Variants in NLRP1 observed in about 807,000 individuals in gnomAD.
NLRP1 encodes NACHT, LRR and PYD domains-containing protein 1.
NLRP1 carries 94 observed loss-of-function variants against 136.7 expected under a neutral mutation model. The ratio of observed to expected loss-of-function variants is 0.69; its 90% CI spans 0.58 to 0.82. The LOEUF (loss-of-function observed/expected upper bound fraction) is 0.82, where lower values mean the gene tolerates loss of function less well. Among genes scored for constraint, NLRP1 ranks in the 40% least tolerant of loss-of-function variants. The probability of loss-of-function intolerance (pLI) is 0.00; values close to 1 mark genes in which losing one functional copy is unlikely to be tolerated. For missense variants in NLRP1, 1,575 were observed against 1,802.7 expected, an observed-to-expected ratio of 0.87 and a Z score of 2.29; for synonymous variants, 690 against 725.1, an observed-to-expected ratio of 0.95 and a Z score of 0.78.
chr17:5,558,405 A>G lies in NLRP1; in HGVS notation c.2291T>C (p.Val764Ala). The G allele has an allele frequency of 1.2e-6, 2 of 1,614,126 alleles. No homozygotes were observed. Among genetic ancestry groups the G allele is most frequent in the Non-Finnish European group, 1.7e-6 (2 of 1,180,016 alleles). ...CTFCIKFSRHVKKLQLIEGRQ... is the reference protein window; with the variant it reads ...CTFCIKFSRHAKKLQLIEGRQ... ...GCCCTCAATCAGCTGAAGCTTCTTC[A>G]CGTGGCGGCTGAATTTAATGCAGAA... is the stretch of plus-strand genomic sequence containing the variant. The change falls in exon 4 of 17, where the codon GTG (valine) becomes GCG (alanine). Residue 764 changes from valine (V) to alanine (A), a missense_variant. Physicochemically the swap from Val to Ala is moderately conservative, Grantham distance 64. Coordinates refer to ENST00000572272, the MANE Select transcript of NLRP1 (RefSeq NM_033004.4).
chr17:5,539,367 C>G, intron 7 of NLRP1, 48 bp downstream of exon 7: 2 of 1,535,282 alleles, frequency 1.3e-6, no homozygotes, highest in East Asian at 2.3e-5. Context: ...TGTCCGATAC[C>G]CCCCCAACCC....
intron 14 of NLRP1, 31 bp downstream of exon 14, chr17:5,520,850 G>T: frequency 1.3e-6 from 2 of 1,518,490 alleles, no homozygotes; most frequent in Non-Finnish European, 1.8e-6. Context: ...ACTTCTGTTC[G>T]CAGTGAAGAG....
chr17:5,544,061 T>C (rs1028005528), intron 5 of NLRP1, among the ~76,000 whole-genome samples: 2 of 152,204 alleles, frequency 1.3e-5, no homozygotes, highest in African/African-American at 4.8e-5. Flanking sequence ...AGGTGAAGTC[T>C]GATGGGACCA....
rs185932225 is a variant in NLRP1 at position 5,564,306 on chromosome 17, T to A, written c.653-4263A>T. Among the ~76,000 whole-genome samples the A allele has an allele frequency of 3.4e-3, 512 of 152,296 alleles. 3 individuals carry two copies. Among genetic ancestry groups the A allele is most frequent in the Non-Finnish European group, 5.7e-3 (390 of 68,026 alleles). Reference sequence around the variant, plus strand: ...CAGTGGGTCTTATTCATTCTTTCTATTTTTTTGTACCCACTAACTATCCCC... The same window carrying A: ...CAGTGGGTCTTATTCATTCTTTCTAATTTTTTGTACCCACTAACTATCCCC... On this transcript the variant is annotated intron_variant, in intron 3 of 16. Transcript: ENST00000572272.
At chr17:5,580,390 A>C (rs2151829127) in intron 3 of NLRP1, among the ~76,000 whole-genome samples, 1 of 152,190 alleles carries the variant, frequency 6.6e-6, no homozygotes, top group African/African-American at 2.4e-5. Context: ...TATATAACAA[A>C]CCTGCACATG....
At chr17:5,508,367 C>G (rs1907463234) in intron 15 of NLRP1, among the ~76,000 whole-genome samples, 2 of 152,144 alleles carry the variant, frequency 1.3e-5, no homozygotes, top group South Asian at 4.1e-4. Context: ...CCTAGGCTGG[C>G]CTTGAACTCC....
chr17:5,515,892 G>GT (rs112285421), intron 15 of NLRP1, among the ~76,000 whole-genome samples: 8,804 of 152,082 alleles, frequency 0.058, 348 homozygotes, highest in South Asian at 0.19. Flanking sequence ...GCACCTCCTT[G>GT]TCTGAGCAGA....
Position 5,583,581 on chromosome 17 carries a change from G to T in NLRP1, c.271+106C>A. The T allele has an allele frequency of 8.3e-7, 1 of 1,198,488 alleles. No homozygotes were observed. The allele number at this position is 1,198,488 out of a possible 1,614,324, so 74.2% of individuals were successfully genotyped here. A position where few individuals can be genotyped will look rare whatever the true frequency, so the allele number is the denominator to read the frequency against. The stretch of plus-strand genomic sequence containing the variant: ...GAGGGCAGTTCCATGTCACTGCTCA[G>T]AGGAAGGCCTGGCAGGGAGGGCTCA... On this transcript the variant is annotated intron_variant, in intron 1 of 16. Coordinates refer to ENST00000572272, the MANE Select transcript of NLRP1 (RefSeq NM_033004.4). This position sits in a 1 kb window ranked among gnomAD's most constrained non-coding sequence, Gnocchi z 4.5.
intron 12 of NLRP1, among the ~76,000 whole-genome samples, chr17:5,526,463 G>A (rs1408708912): frequency 6.6e-6 from 1 of 152,158 alleles, no homozygotes; most frequent in African/African-American, 2.4e-5. Context: ...GAGTGGGAAT[G>A]GGGCGAGACC....
intron 10 of NLRP1, 148 bp downstream of exon 10, chr17:5,533,156 C>T: frequency 2.1e-6 from 3 of 1,455,106 alleles, no homozygotes; most frequent in Non-Finnish European, 2.7e-6. Flanking sequence ...GTCTGGGGAG[C>T]CCCACTCCAG....
chr17:5,575,183 A>G (rs905975284), intron 3 of NLRP1, among the ~76,000 whole-genome samples: 2 of 152,260 alleles, frequency 1.3e-5, no homozygotes, highest in Non-Finnish European at 2.9e-5. Flanking sequence ...CAAACTGTAA[A>G]GACCACCAAT....
chr17:5,530,747 A>G (rs1390621871), intron 11 of NLRP1, 43 bp from the exon 12 acceptor site: 1 of 1,492,402 alleles, frequency 6.7e-7, no homozygotes, highest in Admixed American at 1.7e-5. Flanking sequence ...GCACGAACTC[A>G]CTGAGCACCT....
chr17:5,574,442 A>G (rs1904791478), intron 3 of NLRP1, among the ~76,000 whole-genome samples: 1 of 152,176 alleles, frequency 6.6e-6, no homozygotes, highest in South Asian at 2.1e-4. Flanking sequence ...ATTCAAATTC[A>G]GGAGCTACAG....
At chr17:5,557,545 C>T (rs935338200) in intron 4 of NLRP1, among the ~76,000 whole-genome samples, 4 of 152,144 alleles carry the variant, frequency 2.6e-5, no homozygotes, top group Admixed American at 6.5e-5. Context: ...TTTTGAGCTC[C>T]TTAAGGCACG....
In NLRP1 at chr17:5,529,454, A is replaced by G. The variant is rs1254286222; in HGVS notation, c.3520+1027T>C. Among the ~76,000 whole-genome samples, 3 of 147,344 alleles carry G rather than the reference A, an allele frequency of 2.0e-5. No homozygotes were observed. The East Asian group carries it at 5.9e-4, about 29-fold the overall frequency. On this transcript the variant is annotated intron_variant, in intron 12 of 16. Coordinates refer to ENST00000572272, the MANE Select transcript of NLRP1 (RefSeq NM_033004.4). ...GCGATCTTGGCTCACTGCAAGCTCCACCTCCTGGGTTCACGCCATTCTCCT... is the reference window on the plus strand; with the variant it reads ...GCGATCTTGGCTCACTGCAAGCTCCGCCTCCTGGGTTCACGCCATTCTCCT...
rs778288643 is a variant in NLRP1, at chr17:5,534,031, G to C, written c.2961-43C>G. 1.0e-5 allele frequency: 14 copies of C among 1,360,996 alleles called. No individual in the cohort carries two copies. The South Asian group carries it at 1.6e-4, about 16-fold the overall frequency. The allele number at this position is 1,360,996 out of a possible 1,614,324, so 84.3% of individuals were successfully genotyped here. On this transcript the variant is annotated intron_variant, in intron 8 of 16. Transcript: ENST00000572272. ...CATTCTGCCTAAGATCTTGGAGGAA[G>C]CGAGGGCTGTCCACATGACATTCCC...
intron 3 of NLRP1, among the ~76,000 whole-genome samples, chr17:5,562,030 T>C (rs1914813027): frequency 6.6e-6 from 1 of 152,102 alleles, no homozygotes; most frequent in African/African-American, 2.4e-5. Context: ...CCTAATTCTG[T>C]CTGAATCCGG....
At chr17:5,526,121 C>T (rs539633047) in intron 12 of NLRP1, among the ~76,000 whole-genome samples, 11 of 152,116 alleles carry the variant, frequency 7.2e-5, no homozygotes, top group South Asian at 2.1e-4. Context: ...ACTACAGGTG[C>T]GCACCACCAT....
intron 3 of NLRP1, among the ~76,000 whole-genome samples, chr17:5,579,352 T>C (rs1905339957): frequency 6.8e-6 from 1 of 147,634 alleles, no homozygotes; most frequent in Non-Finnish European, 1.5e-5. Flanking sequence ...AGACCTTCTC[T>C]GGAAAAAAAG....
Sources: gnomAD v4.1 joint callset for allele counts (sites outside exome capture counted in the v4.1 genomes callset) on GRCh38, gnomAD v4.1.1 for gene constraint, Gnocchi (gnomAD v3.1) non-coding constraint, MANE v1.5 for transcripts, NCBI Gene and HGNC (gene_info 2026-07-23, HGNC 2026-07-21) for gene names.